The following MLLT10 variants were observed in gnomAD, a reference collection of about 807,000 sequenced individuals.
MLLT10 encodes the protein protein AF-10.
Under a neutral mutation model 129.1 loss-of-function variants are expected in MLLT10, and 30 were observed. That is an observed-to-expected ratio of 0.23 (90% CI 0.17 to 0.32). The LOEUF (loss-of-function observed/expected upper bound fraction) is 0.32. Ranked by LOEUF, MLLT10 falls within the 10% of genes least tolerant of loss-of-function variation. MLLT10 has a pLI of 1.00. For missense variants in MLLT10, 1,119 were observed against 1,268.3 expected (o/e 0.88, Z 1.79); for synonymous variants, 490 against 446.4 (o/e 1.10, Z -1.23).
At chr10:21,545,622 C>T (rs544889864) in intron 3 of MLLT10, among the ~76,000 whole-genome samples, 3 of 152,228 alleles carry the variant, frequency 2.0e-5, no homozygotes, top group Admixed American at 1.3e-4. Context: ...GAAAAAGCAC[C>T]GTGTCTCCCA....
intron 13 of MLLT10, among the ~76,000 whole-genome samples, chr10:21,706,651 T>A (rs1199082672): frequency 6.6e-6 from 1 of 152,236 alleles, no homozygotes; most frequent in Non-Finnish European, 1.5e-5. Context: ...TTACTTGACC[T>A]CCTAGGCAGT....
chr10:21,730,024 T>G (rs1018709646), intron 16 of MLLT10, among the ~76,000 whole-genome samples: 1 of 151,960 alleles, frequency 6.6e-6, no homozygotes, highest in Non-Finnish European at 1.5e-5. Context: ...AGCAGTTAGA[T>G]AGAGAGGCCT....
intron 13 of MLLT10, among the ~76,000 whole-genome samples, chr10:21,698,727 G>A (rs1202165178): frequency 2.6e-5 from 4 of 152,142 alleles, no homozygotes; most frequent in Non-Finnish European, 2.9e-5. Context: ...CACATCCTCA[G>A]CAACATCTGT....
At chr10:21,623,487 C>T (rs961334301) in intron 8 of MLLT10, among the ~76,000 whole-genome samples, 1 of 152,156 alleles carries the variant, frequency 6.6e-6, no homozygotes, top group African/African-American at 2.4e-5. Flanking sequence ...CTCAGGACAT[C>T]AAAGGATTTT....
At chr10:21,673,315 C>CACAA in intron 10 of MLLT10, 35 bp from the exon 11 acceptor site, 1 of 616,720 alleles carries the variant, frequency 1.6e-6, no homozygotes, top group Non-Finnish European at 2.3e-6. Context: ...CCCCACCCCC[C>CACAA]AACTTTTTTT....
Position 21,726,305 on chromosome 10 carries a change from C to T in MLLT10, c.1940C>T (p.Ser647Leu), listed in dbSNP as rs780101627. ...QAPSHMYGNRSNSSMAALIAQ... is the reference protein window; with the variant it reads ...QAPSHMYGNRLNSSMAALIAQ... The stretch of plus-strand genomic sequence containing the variant: ...CCATCTCATATGTATGGCAATAGAT[C>T]AAATTCATCAATGGCAGCTCTTATA... The change falls in exon 15 of 23, where the codon TCA becomes TTA. Residue 647 changes from serine (S) to leucine (L), a missense_variant. Physicochemically the swap from Ser to Leu is moderately radical, Grantham distance 145 (BLOSUM62 -2). This residue lies in a region of MLLT10 where 1,004 missense variants were observed against 1,008.7 expected (regional missense o/e 1.00). Transcript: ENST00000307729. 2 of 1,613,318 alleles carry T rather than the reference C, an allele frequency of 1.2e-6. No homozygotes were observed. Among genetic ancestry groups the T allele is most frequent in the South Asian group, 2.2e-5 (2 of 90,982 alleles).
At chr10:21,625,342 A>C (rs1007235036) in intron 8 of MLLT10, 4 of 766,574 alleles carry the variant, frequency 5.2e-6, no homozygotes, top group Non-Finnish European at 9.3e-6. Context: ...CAAATGCATA[A>C]TCTTTCAACT....
intron 3 of MLLT10, among the ~76,000 whole-genome samples, chr10:21,568,165 G>GTAC (rs1241096475): frequency 3.9e-5 from 6 of 152,116 alleles, no homozygotes; most frequent in African/African-American, 1.4e-4. Context: ...TGTTCCTGAT[G>GTAC]TACTCACTTC....
chr10:21,689,531 C>T (rs2053607293), intron 13 of MLLT10, among the ~76,000 whole-genome samples: 1 of 140,968 alleles, frequency 7.1e-6, no homozygotes, highest in Non-Finnish European at 1.5e-5. Flanking sequence ...TGAGAATACA[C>T]AGGCTGTGTA....
intron 3 of MLLT10, among the ~76,000 whole-genome samples, chr10:21,562,329 T>A (rs111550587): frequency 0.031 from 4,598 of 148,040 alleles, 144 homozygotes; most frequent in African/African-American, 0.09. Flanking sequence ...ATTTTTGTTT[T>A]TTTATTTATT....
In MLLT10 at chr10:21,743,270, C is replaced by T. The variant is rs1291516133; in HGVS notation, c.*1287C>T. On this transcript the variant is annotated 3_prime_UTR_variant, in exon 23 of 23. Transcript: ENST00000307729. ...TTCTGCAATATGTTTCTTGGTTAAA[C>T]ATTGCACAGTTCTTACCTCATTTCT... The T allele has an allele frequency of 4.4e-6, 1 of 227,114 alleles. No individual in the cohort carries two copies. The highest frequency in any genetic ancestry group is 2.2e-5 in the African/African-American group (1 of 45,038). 14.1% of individuals were successfully genotyped at this position (227,114 alleles called of 1,614,324 possible).
Position 21,704,016 on chromosome 10 carries a change from GTTTTTTTT to G in MLLT10, c.1700-9740_1700-9733del, listed in dbSNP as rs60982595. On this transcript the variant is annotated intron_variant, in intron 13 of 22. Coordinates refer to ENST00000307729, the MANE Select transcript of MLLT10 (RefSeq NM_001195626.3). The stretch of plus-strand genomic sequence containing the variant: ...ACATTTTGGATTTCGATTGTTTTTT[GTTTTTTTT>G]TTTTTTTTTTTTTTTGATGGAGTGT... Among the ~76,000 whole-genome samples the G allele has an allele frequency of 2.1e-3, 118 of 56,640 alleles. 2 individuals are homozygous for G. In the East Asian group the frequency reaches 0.05, roughly 24 times the overall value. The allele number at this position is 56,640 out of a possible 152,430, so 37.2% of individuals were successfully genotyped here.
chr10:21,643,546 A>T (rs551534674), intron 8 of MLLT10, among the ~76,000 whole-genome samples: 39 of 152,150 alleles, frequency 2.6e-4, no homozygotes, highest in African/African-American at 8.9e-4. Context: ...AGTTCTTAGG[A>T]CTTGTGTTCT....
At chr10:21,675,162 TG>T (rs1407384924) in intron 11 of MLLT10, among the ~76,000 whole-genome samples, 1 of 152,200 alleles carries the variant, frequency 6.6e-6, no homozygotes, top group Non-Finnish European at 1.5e-5. Context: ...CTTTGAAAGG[TG>T]AAATAAGATA....
At position 21,734,015 on chromosome 10, in the gene MLLT10, C is replaced by G. The variant is rs760884567; in HGVS notation, c.2744C>G (p.Ala915Gly). 2 of 1,614,060 alleles carry G rather than the reference C, an allele frequency of 1.2e-6. No homozygotes were observed. The highest frequency in any genetic ancestry group is 1.7e-6 in the Non-Finnish European group (2 of 1,180,052). Reference sequence around the variant, plus strand: ...CTGGCAATTAATGGCATTGTAGGAGCTTTAAATGGGGTTATGCAGACTCCT... The same window carrying G: ...CTGGCAATTAATGGCATTGTAGGAGGTTTAAATGGGGTTATGCAGACTCCT... ...NQLAINGIVG[A>G]LNGVMQTPVT... The change falls in exon 20 of 23, where the codon GCT (alanine) becomes GGT (glycine). Residue 915 changes from alanine (A) to glycine (G), a missense_variant. Coordinates refer to ENST00000307729, the MANE Select transcript of MLLT10 (RefSeq NM_001195626.3).
chr10:21,672,697 A>T (rs1044717630), intron 10 of MLLT10, among the ~76,000 whole-genome samples: 17 of 152,340 alleles, frequency 1.1e-4, no homozygotes, highest in East Asian at 9.6e-4. Context: ...ATGAAGTTCC[A>T]TGAAAATTGG....
intron 4 of MLLT10, among the ~76,000 whole-genome samples, chr10:21,590,993 T>C (rs1213209787): frequency 2.0e-5 from 3 of 152,228 alleles, no homozygotes; most frequent in East Asian, 1.9e-4. Flanking sequence ...ATGTATATGC[T>C]GTAAGTTCCT....
At chr10:21,708,448 C>T in intron 13 of MLLT10, 1 of 439,292 alleles carries the variant, frequency 2.3e-6, no homozygotes, top group Non-Finnish European at 3.0e-6. Context: ...TGTACCAGTC[C>T]TACCTGAGGA....
At chr10:21,556,871 C>A in intron 3 of MLLT10, 8 of 1,551,130 alleles carry the variant, frequency 5.2e-6, no homozygotes, top group Non-Finnish European at 7.0e-6. Context: ...CAGGGATATT[C>A]TTTTTTATAT....
Sources: gnomAD v4.1 joint callset for allele counts (sites outside exome capture counted in the v4.1 genomes callset) on GRCh38, gnomAD v4.1.1 for gene constraint, gnomAD v4.1.1 regional missense constraint, MANE v1.5 for transcripts, NCBI Gene and HGNC (gene_info 2026-07-23, HGNC 2026-07-21) for gene names.